Variants in AFAP1 observed in about 807,000 individuals in gnomAD.
The protein encoded by AFAP1 is actin filament-associated protein 1.
Under a neutral mutation model 93.9 loss-of-function variants are expected in AFAP1, and 75 were observed. The ratio of observed to expected loss-of-function variants is 0.80; its 90% CI spans 0.66 to 0.97. The LOEUF (loss-of-function observed/expected upper bound fraction) is 0.97, where lower values mean the gene tolerates loss of function less well. Ranked by LOEUF, AFAP1 falls within the 50% of genes least tolerant of loss-of-function variation. AFAP1 has a pLI of 0.00. For synonymous variants in AFAP1, 517 were observed against 430.7 expected (o/e 1.20, Z -2.48); for missense variants, 1,201 against 1,050.8 (o/e 1.14, Z -1.98).
At chr4:7,797,443 G>GTA (rs1718536391) in intron 10 of AFAP1, among the ~76,000 whole-genome samples, 1 of 152,192 alleles carries the variant, frequency 6.6e-6, no homozygotes, top group African/African-American at 2.4e-5. Context: ...GCCTCCTGAT[G>GTA]TAACGCAGCA....
chr4:7,770,274 G>A (rs1715235486), intron 16 of AFAP1, among the ~76,000 whole-genome samples: 1 of 152,200 alleles, frequency 6.6e-6, no homozygotes, highest in South Asian at 2.1e-4. Context: ...GGGCCAGAGG[G>A]AAGCTCGAGC....
chr4:7,847,621 G>T (rs1264528590), intron 4 of AFAP1, among the ~76,000 whole-genome samples: 1 of 152,208 alleles, frequency 6.6e-6, no homozygotes, highest in Non-Finnish European at 1.5e-5. Context: ...TCACCGTCTG[G>T]AGGCCTGGGG....
chr4:7,912,810 A>C (rs993684346), intron 1 of AFAP1, among the ~76,000 whole-genome samples: 8 of 152,044 alleles, frequency 5.3e-5, no homozygotes, highest in African/African-American at 1.9e-4. Context: ...TGAGGTTTAG[A>C]TCAGAGTTCA....
intron 16 of AFAP1, among the ~76,000 whole-genome samples, chr4:7,771,421 A>G (rs1374940333): frequency 6.6e-6 from 1 of 152,048 alleles, no homozygotes; most frequent in Non-Finnish European, 1.5e-5. Flanking sequence ...TTTATATATA[A>G]TAGATAAATG....
At chr4:7,774,986 AC>A in intron 14 of AFAP1, 83 bp from the exon 15 acceptor site, 1 of 1,520,764 alleles carries the variant, frequency 6.6e-7, no homozygotes, top group Non-Finnish European at 8.9e-7. Context: ...CACAAAAAAT[AC>A]AAAATTAGCC....
chr4:7,789,357 G>T (rs1376116562), intron 11 of AFAP1, among the ~76,000 whole-genome samples: 1 of 152,172 alleles, frequency 6.6e-6, no homozygotes, highest in Admixed American at 6.5e-5. Flanking sequence ...GTGGCCAAGA[G>T]AACTGCCTCC....
intron 1 of AFAP1, among the ~76,000 whole-genome samples, chr4:7,925,755 G>A (rs909890901): frequency 1.3e-4 from 20 of 152,080 alleles, no homozygotes; most frequent in African/African-American, 3.6e-4. Flanking sequence ...TGAGGCAGGA[G>A]AATCGCTTGA....
In AFAP1 at chr4:7,781,602, G is replaced by A; in HGVS notation, c.1556C>T (p.Ala519Val). The change falls in exon 13 of 18, where the codon GCT (alanine) becomes GTT (valine). Residue 519 changes from alanine to valine, a missense_variant. By Grantham distance (64) the Ala-to-Val change is moderately conservative (BLOSUM62 0). Coordinates refer to ENST00000420658, the MANE Select transcript of AFAP1 (RefSeq NM_001134647.2). ...GSWEPEDGFP[A>V]SCSRGLGEEV... ...TTCTCCCAAGCCTCTGCTGCAGGAA[G>A]CAGGAAAGCCGTCTTCCGGTTCCCA... is the stretch of plus-strand genomic sequence containing the variant. The A allele has an allele frequency of 1.3e-6, 2 of 1,551,840 alleles. No homozygotes were observed. The highest frequency in any genetic ancestry group is 1.7e-6 in the Non-Finnish European group (2 of 1,147,040).
chr4:7,765,287 C>A (rs1714395821), intron 17 of AFAP1, among the ~76,000 whole-genome samples: 1 of 152,170 alleles, frequency 6.6e-6, no homozygotes, highest in Non-Finnish European at 1.5e-5. Context: ...CACACCCATG[C>A]CTGTTCTCCA....
At chr4:7,785,236 CCTG>C (rs568245247) in intron 12 of AFAP1, among the ~76,000 whole-genome samples, 118 of 152,250 alleles carry the variant, frequency 7.8e-4, no homozygotes, top group Middle Eastern at 3.4e-3. Flanking sequence ...CTTGATGAGG[CCTG>C]CTGATTACAC....
intron 1 of AFAP1, among the ~76,000 whole-genome samples, chr4:7,883,257 A>G (rs565348085): frequency 1.3e-5 from 2 of 152,046 alleles, no homozygotes; most frequent in East Asian, 3.9e-4. Flanking sequence ...TATTCACCAT[A>G]TTATTATCTA....
intron 15 of AFAP1, chr4:7,773,705 T>C (rs1715750548): frequency 6.6e-6 from 1 of 152,580 alleles, no homozygotes; most frequent in Non-Finnish European, 1.5e-5. Context: ...TTAAACTCCA[T>C]GCCCCGTCCC....
chr4:7,776,061 T>TAACA (rs923996993), intron 14 of AFAP1: 2 of 152,180 alleles, frequency 1.3e-5, no homozygotes, highest in African/African-American at 4.8e-5. Context: ...ATGAAGGTTC[T>TAACA]AACAAAACTC....
At chr4:7,821,788 T>C (rs1262701982) in intron 6 of AFAP1, among the ~76,000 whole-genome samples, 4 of 152,196 alleles carry the variant, frequency 2.6e-5, no homozygotes, top group African/African-American at 9.7e-5. Flanking sequence ...GGTGCTGGGA[T>C]TAAATCCAAG....
At chr4:7,894,327 A>G (rs1007090320) in intron 1 of AFAP1, among the ~76,000 whole-genome samples, 2 of 152,042 alleles carry the variant, frequency 1.3e-5, no homozygotes, top group African/African-American at 4.8e-5. Flanking sequence ...TACAATATGT[A>G]CTCTCTGCTC....
At chr4:7,895,616 A>AGAT (rs1553853032) in intron 1 of AFAP1, among the ~76,000 whole-genome samples, 1 of 152,054 alleles carries the variant, frequency 6.6e-6, no homozygotes, top group East Asian at 1.9e-4. Context: ...GAGTTTTTTA[A>AGAT]AATAATGTCT....
intron 3 of AFAP1, among the ~76,000 whole-genome samples, chr4:7,856,084 C>G (rs758296594): frequency 1.3e-5 from 2 of 152,238 alleles, no homozygotes; most frequent in African/African-American, 4.8e-5. Context: ...GTGAGCCACA[C>G]TGGCTGAGTG....
intron 1 of AFAP1, among the ~76,000 whole-genome samples, chr4:7,934,184 T>C (rs1721253748): frequency 2.6e-5 from 4 of 152,200 alleles, no homozygotes; most frequent in Admixed American, 1.3e-4. Flanking sequence ...TGATTGCCTT[T>C]CCTTTCACTT....
At chr4:7,813,184 T>C (rs1269789976) in intron 8 of AFAP1, among the ~76,000 whole-genome samples, 1 of 152,174 alleles carries the variant, frequency 6.6e-6, no homozygotes, top group Admixed American at 6.6e-5. Context: ...CGCAGAGAAA[T>C]GTGTCTGAGT....
Sources: gnomAD v4.1 joint callset for allele counts (sites outside exome capture counted in the v4.1 genomes callset) on GRCh38, gnomAD v4.1.1 for gene constraint, MANE v1.5 for transcripts, NCBI Gene and HGNC (gene_info 2026-07-23, HGNC 2026-07-21) for gene names.